Variants in SORCS1 observed in about 807,000 individuals in gnomAD.
SORCS1 encodes the protein VPS10 domain-containing receptor SorCS1.
Under a neutral mutation model 146.1 loss-of-function variants are expected in SORCS1, and 60 were observed. The observed-to-expected ratio is 0.41, with a 90% confidence interval of 0.33 to 0.51. The LOEUF (loss-of-function observed/expected upper bound fraction) is 0.51, where lower values mean the gene tolerates loss of function less well. Ranked by LOEUF, SORCS1 falls within the 20% of genes least tolerant of loss-of-function variation. The pLI is 0.21. For missense variants in SORCS1, 1,352 were observed against 1,487.6 expected, an observed-to-expected ratio of 0.91 and a Z score of 1.50; for synonymous variants, 637 against 584.0, an observed-to-expected ratio of 1.09 and a Z score of -1.31.
At chr10:106,656,123 G>T (rs185780935) in intron 17 of SORCS1, among the ~76,000 whole-genome samples, 3 of 152,272 alleles carry the variant, frequency 2.0e-5, no homozygotes, top group Admixed American at 2.0e-4. Flanking sequence ...CAGTAGATAG[G>T]ATCTTACTAC....
chr10:106,952,543 T>TATATTATATTATATC (rs1320671399), intron 2 of SORCS1, among the ~76,000 whole-genome samples: 2 of 7,608 alleles, frequency 2.6e-4, no homozygotes, highest in Non-Finnish European at 4.5e-4. Flanking sequence ...TGACACATTA[T>TATATTATATTATATC]ATATTATATT....
At chr10:107,144,397 A>G (rs1355410813) in intron 1 of SORCS1, among the ~76,000 whole-genome samples, 2 of 152,216 alleles carry the variant, frequency 1.3e-5, no homozygotes, top group Non-Finnish European at 2.9e-5. Flanking sequence ...AACAAAACTC[A>G]AAACTGTTGG....
At position 106,776,601 on chromosome 10, in the gene SORCS1, T is replaced by C. The variant is rs200056666; in HGVS notation, c.818A>G (p.Tyr273Cys). 1.2e-4 allele frequency: 192 copies of C among 1,613,984 alleles called. No homozygotes were observed. The highest frequency in any genetic ancestry group is 1.6e-4 in the Non-Finnish European group (183 of 1,179,974). ...GGGGTGAAAAAGCAAGCTTTGAATGTAGAAGTTCAGCCGGTACTTTTGATA... is the reference window on the plus strand; with the variant it reads ...GGGGTGAAAAAGCAAGCTTTGAATGCAGAAGTTCAGCCGGTACTTTTGATA... ...ATYQKYRLNF[Y>C]IQSLLFHPKQ... The change falls in exon 4 of 26, where the codon TAC becomes TGC. Residue 273 changes from tyrosine (Y) to cysteine (C), a missense_variant. Transcript: ENST00000263054.
intron 1 of SORCS1, among the ~76,000 whole-genome samples, chr10:107,100,045 A>C (rs1964810165): frequency 6.6e-6 from 1 of 152,200 alleles, no homozygotes; most frequent in African/African-American, 2.4e-5. Context: ...GAGAAGCTGC[A>C]ATCTTTCTGG....
intron 2 of SORCS1, among the ~76,000 whole-genome samples, chr10:106,831,762 G>A (rs1160435892): frequency 1.3e-5 from 2 of 152,028 alleles, no homozygotes; most frequent in South Asian, 2.1e-4. Flanking sequence ...AACAGAAAAC[G>A]GTCAACACTT....
At chr10:106,888,601 A>G (rs768472209) in intron 2 of SORCS1, among the ~76,000 whole-genome samples, 2 of 152,228 alleles carry the variant, frequency 1.3e-5, no homozygotes, top group Non-Finnish European at 2.9e-5. Context: ...GAGGGTAGTA[A>G]TAACGTGCCT....
chr10:106,722,157 A>C (rs976953956), intron 6 of SORCS1, among the ~76,000 whole-genome samples: 24 of 151,984 alleles, frequency 1.6e-4, no homozygotes, highest in Non-Finnish European at 3.1e-4. Flanking sequence ...ACATATATAT[A>C]TAACAATAAA....
chr10:106,625,827 G>C (rs1051192182), intron 19 of SORCS1, among the ~76,000 whole-genome samples: 1 of 151,430 alleles, frequency 6.6e-6, no homozygotes, highest in Non-Finnish European at 1.5e-5. Flanking sequence ...TTTTCTGCAA[G>C]ACTGGCTGCG....
At chr10:106,903,355 G>T (rs1323463691) in intron 2 of SORCS1, among the ~76,000 whole-genome samples, 1 of 152,172 alleles carries the variant, frequency 6.6e-6, no homozygotes, top group Non-Finnish European at 1.5e-5. Context: ...CATACATCTG[G>T]TAATGAATTG....
At chr10:107,118,977 T>C (rs1334753705) in intron 1 of SORCS1, among the ~76,000 whole-genome samples, 1 of 152,146 alleles carries the variant, frequency 6.6e-6, no homozygotes, top group Non-Finnish European at 1.5e-5. Flanking sequence ...CCCTGAGTGA[T>C]AACTATGCAG....
At chr10:106,700,750 C>T (rs562886745) in intron 8 of SORCS1, among the ~76,000 whole-genome samples, 2 of 152,294 alleles carry the variant, frequency 1.3e-5, no homozygotes, top group East Asian at 1.9e-4. Flanking sequence ...CCGTTTATCA[C>T]AGTAAACTCG....
At chr10:106,980,509 C>T (rs1956207874) in intron 1 of SORCS1, among the ~76,000 whole-genome samples, 1 of 152,178 alleles carries the variant, frequency 6.6e-6, no homozygotes, top group African/African-American at 2.4e-5. Flanking sequence ...AGAAAAAGTG[C>T]TAAGTCGACC....
chr10:106,944,871 CTTCTTTTTTTTTTTTTTTTTT>C (rs1954240327), intron 2 of SORCS1, among the ~76,000 whole-genome samples: 2 of 61,024 alleles, frequency 3.3e-5, no homozygotes, highest in Admixed American at 1.7e-4. Context: ...AAGAAAGAGC[CTTCTTTTTTTTTTTTTTTTTT>C]TTTTTTTTTT....
chr10:106,874,474 AAACAAG>A (rs1487643106), intron 2 of SORCS1, among the ~76,000 whole-genome samples: 1 of 152,240 alleles, frequency 6.6e-6, no homozygotes, highest in Non-Finnish European at 1.5e-5. Context: ...ATACTCAATA[AAACAAG>A]CAAGGATCCT....
chr10:107,084,953 T>C (rs925723668), intron 1 of SORCS1, among the ~76,000 whole-genome samples: 3 of 152,134 alleles, frequency 2.0e-5, no homozygotes, highest in Non-Finnish European at 4.4e-5. Context: ...AGATATAAAC[T>C]CTAGGGCATG....
At chr10:106,865,727 AAAAT>A (rs1456814129) in intron 2 of SORCS1, among the ~76,000 whole-genome samples, 1 of 151,598 alleles carries the variant, frequency 6.6e-6, no homozygotes, top group Non-Finnish European at 1.5e-5. Context: ...CCATCTCAAA[AAAAT>A]AAATAAAATA....
chr10:106,911,970 G>T (rs12358001), intron 2 of SORCS1, among the ~76,000 whole-genome samples: 1 of 151,746 alleles, frequency 6.6e-6, no homozygotes, highest in Non-Finnish European at 1.5e-5. Context: ...AAAATTAGCC[G>T]GGTGTTGTGG....
At chr10:106,875,421 C>T (rs573245054) in intron 2 of SORCS1, among the ~76,000 whole-genome samples, 1 of 152,276 alleles carries the variant, frequency 6.6e-6, no homozygotes, top group Admixed American at 6.5e-5. Flanking sequence ...CTGCAATAAA[C>T]ATACATGTTC....
chr10:106,677,532 G>A (rs981196783), intron 12 of SORCS1, 128 bp from the exon 13 acceptor site: 43 of 757,152 alleles, frequency 5.7e-5, no homozygotes, highest in Non-Finnish European at 7.4e-5. Flanking sequence ...AAATCTTTGC[G>A]AAAATAAAGC....
Sources: allele counts gnomAD v4.1 joint callset (sites outside exome capture counted in the v4.1 genomes callset), GRCh38; gene constraint gnomAD v4.1.1; transcripts MANE v1.5; gene names NCBI Gene and HGNC (gene_info 2026-07-23, HGNC 2026-07-21).